CC2D2A: variants seen among roughly 807,000 people sequenced by gnomAD.
The protein encoded by CC2D2A is coiled-coil and C2 domain-containing protein 2A.
A neutral mutation model predicts 212.9 loss-of-function variants in CC2D2A; 155 were observed. The observed-to-expected ratio is 0.73, with a 90% CI of 0.64 to 0.83. The LOEUF is 0.83. Ranked by LOEUF, CC2D2A falls within the 40% of genes least tolerant of loss-of-function variation. The probability of loss-of-function intolerance (pLI) is 0.00; values close to 1 mark genes in which losing one functional copy is unlikely to be tolerated. For synonymous variants in CC2D2A, 667 were observed against 686.5 expected (o/e 0.97, Z 0.44); for missense variants, 1,856 against 1,956.2 (o/e 0.95, Z 0.97).
At chr4:15,481,360 A>T in intron 4 of CC2D2A, 1 of 364,196 alleles carries the variant, frequency 2.7e-6, no homozygotes, top group Non-Finnish European at 5.5e-6. Flanking sequence ...AATACAAAAA[A>T]ATTAGCCAGG....
chr4:15,544,165 C>T (rs189907155), intron 17 of CC2D2A, among the ~76,000 whole-genome samples: 33 of 152,258 alleles, frequency 2.2e-4, no homozygotes, highest in Non-Finnish European at 1.5e-5. Context: ...TTACTGCACA[C>T]AAAACATTGT....
Position 15,557,425 on chromosome 4 carries a change from T to C in CC2D2A, c.2747T>C (p.Leu916Pro), listed in dbSNP as rs1413165832. Residue 916 changes from leucine to proline, a missense_variant, in exon 21 of 37, where the codon CTT (leucine) becomes CCT (proline). Coordinates refer to ENST00000424120, the MANE Select transcript of CC2D2A (RefSeq NM_001378615.1). ...TCCAAACGATTTAGGCTTCTTCATC[T>C]TAGAAGCCAAGAGGTGCCAGAATTC... is the stretch of plus-strand genomic sequence containing the variant. The part of the protein sequence containing the change: ...NRSKRFRLLH[L>P]RSQEVPEFRN... The C allele has an allele frequency of 6.2e-7, 1 of 1,612,954 alleles. No individual in the cohort carries two copies. Among genetic ancestry groups the C allele is most frequent in the Non-Finnish European group, 8.5e-7 (1 of 1,179,206 alleles).
Position 15,557,462 on chromosome 4 carries a change from G to A in CC2D2A, c.2784G>A (p.Lys928=). ...SQEVPEFRNY[K]QVPVYDREIM... ...AGGTGCCAGAATTCCGAAATTATAAGCAAGTTCCAGTCTATGACCGAGAAA... is the reference window on the plus strand; with the variant it reads ...AGGTGCCAGAATTCCGAAATTATAAACAAGTTCCAGTCTATGACCGAGAAA... The change falls in exon 21 of 37, where the codon AAG becomes AAA. Residue 928 remains lysine, a synonymous_variant. Coordinates refer to ENST00000424120, the MANE Select transcript of CC2D2A (RefSeq NM_001378615.1). 3.1e-6 allele frequency: 5 copies of A among 1,612,264 alleles called. No individual in the cohort carries two copies. Among genetic ancestry groups the A allele is most frequent in the Non-Finnish European group, 4.2e-6 (5 of 1,179,196 alleles).
chr4:15,546,266 T>G (rs766818386), intron 17 of CC2D2A, among the ~76,000 whole-genome samples: 2 of 152,330 alleles, frequency 1.3e-5, no homozygotes, highest in Middle Eastern at 3.4e-3. Context: ...AAATTTGGCT[T>G]AGAAATTTAA....
chr4:15,528,995 T>C (rs909945284), intron 13 of CC2D2A, among the ~76,000 whole-genome samples: 2 of 152,196 alleles, frequency 1.3e-5, no homozygotes, highest in South Asian at 4.1e-4. Context: ...TCATAGAATG[T>C]TGAAGAAGCT....
At chr4:15,579,564 T>C (rs1248183387) in intron 29 of CC2D2A, among the ~76,000 whole-genome samples, 1 of 152,172 alleles carries the variant, frequency 6.6e-6, no homozygotes, top group East Asian at 1.9e-4. Flanking sequence ...GATTTACATA[T>C]GAGATGTTAG....
intron 14 of CC2D2A, 73 bp from the exon 15 acceptor site, chr4:15,536,847 A>G (rs1718158009): frequency 3.6e-6 from 5 of 1,397,396 alleles, no homozygotes; most frequent in Non-Finnish European, 4.9e-6. Context: ...AGTCCAATAT[A>G]AGTATTTGCT....
chr4:15,477,844 TA>T (rs1714329892), intron 2 of CC2D2A, among the ~76,000 whole-genome samples: 1 of 152,160 alleles, frequency 6.6e-6, no homozygotes, highest in South Asian at 2.1e-4. Flanking sequence ...CAGTCAGGAG[TA>T]ATTGAGGTCT....
At chr4:15,597,382 T>G in intron 34 of CC2D2A, 25 bp from the exon 35 acceptor site, 1 of 1,524,376 alleles carries the variant, frequency 6.6e-7, no homozygotes. Context: ...TTTTTATACT[T>G]TCTGAACTAT....
chr4:15,471,970 T>A (rs1257990426), intron 1 of CC2D2A, among the ~76,000 whole-genome samples: 1 of 152,200 alleles, frequency 6.6e-6, no homozygotes, highest in Non-Finnish European at 1.5e-5. Flanking sequence ...GTAAAATAAA[T>A]CATTGGCTTA....
intron 33 of CC2D2A, among the ~76,000 whole-genome samples, chr4:15,594,162 T>C (rs1385723336): frequency 1.3e-5 from 2 of 152,148 alleles, no homozygotes; most frequent in Non-Finnish European, 2.9e-5. Context: ...TGTTGTTTCC[T>C]AGGCATAAAT....
chr4:15,513,208 T>C (rs1577338256), intron 8 of CC2D2A, among the ~76,000 whole-genome samples: 2 of 152,226 alleles, frequency 1.3e-5, no homozygotes, highest in African/African-American at 4.8e-5. Flanking sequence ...TCAACATTGC[T>C]TGAGTGTCCT....
In CC2D2A at chr4:15,502,467, G is replaced by A. The variant is rs376438052; in HGVS notation, c.286G>A (p.Ala96Thr). ...PIPSTSRTGF[A>T]EFSMRGRMRE... is the part of the protein sequence containing the mutation. Reference sequence around the variant, plus strand: ...TCCTTCAACTTCCAGAACAGGCTTTGCAGAATTTTCCATGAGGGGACGCAT... The same window carrying A: ...TCCTTCAACTTCCAGAACAGGCTTTACAGAATTTTCCATGAGGGGACGCAT... The change falls in exon 5 of 37, where the codon GCA becomes ACA. Residue 96 changes from alanine (A) to threonine (T), a missense_variant. Physicochemically the swap from Ala to Thr is moderately conservative, Grantham distance 58. Transcript: ENST00000424120. 13 of 1,607,680 alleles carry A rather than the reference G, an allele frequency of 8.1e-6. No homozygotes were observed. In the African/African-American group the frequency reaches 1.5e-4, roughly 18 times the overall value.
intron 33 of CC2D2A, among the ~76,000 whole-genome samples, chr4:15,590,940 C>T (rs1340384433): frequency 3.9e-5 from 6 of 152,006 alleles, no homozygotes; most frequent in Non-Finnish European, 7.4e-5. Flanking sequence ...ATTGACTAGG[C>T]TCATCTCCAA....
intron 17 of CC2D2A, among the ~76,000 whole-genome samples, 169 bp downstream of exon 17, chr4:15,541,183 C>T (rs1170532187): frequency 2.0e-5 from 3 of 151,772 alleles, no homozygotes; most frequent in Admixed American, 2.0e-4. Flanking sequence ...GCCAAGTGTG[C>T]TGGCGGGTGC....
intron 11 of CC2D2A, among the ~76,000 whole-genome samples, chr4:15,517,405 G>C (rs1262715863): frequency 6.6e-6 from 1 of 151,996 alleles, no homozygotes; most frequent in African/African-American, 2.4e-5. Flanking sequence ...CTTCCCATTT[G>C]TTGTCTCTTT....
At chr4:15,483,647 T>C (rs987071669) in intron 4 of CC2D2A, among the ~76,000 whole-genome samples, 1 of 152,208 alleles carries the variant, frequency 6.6e-6, no homozygotes, top group South Asian at 2.1e-4. Context: ...AGAAATCTAT[T>C]ATATTACATT....
intron 17 of CC2D2A, chr4:15,543,874 C>T (rs1455860939): frequency 1.3e-5 from 2 of 152,202 alleles, no homozygotes; most frequent in Non-Finnish European, 2.9e-5. Flanking sequence ...TTATTTGAGC[C>T]ACTTAAACTA....
chr4:15,528,709 G>C lies in CC2D2A; in HGVS notation c.1449G>C (p.Glu483Asp), dbSNP rs200605436. 1.2e-6 allele frequency: 2 copies of C among 1,604,654 alleles called. No homozygotes were observed. The highest frequency in any genetic ancestry group is 1.7e-6 in the Non-Finnish European group (2 of 1,174,082). ...ATACCATCCAAAAAACCATCAATGA[G>C]TATAAATCTGAAATTCGGTGAGTAA... ...SLDTIQKTINEYKSEIRQTRK... is the reference protein window; with the variant it reads ...SLDTIQKTINDYKSEIRQTRK... The change falls in exon 13 of 37, where the codon GAG becomes GAC. Residue 483 changes from glutamate to aspartate, a missense_variant. Around this residue, in one of 5 missense-constraint regions of CC2D2A, gnomAD observed 1,512 missense variants for 1,579.3 expected, o/e 0.96. Transcript: ENST00000424120.
Sources: gnomAD v4.1 joint callset for allele counts (sites outside exome capture counted in the v4.1 genomes callset) on GRCh38, gnomAD v4.1.1 for gene constraint, gnomAD v4.1.1 regional missense constraint, MANE v1.5 for transcripts, NCBI Gene and HGNC (gene_info 2026-07-23, HGNC 2026-07-21) for gene names.